Variants in PRKN observed in about 807,000 individuals in gnomAD.
PRKN encodes parkin RBR E3 ubiquitin protein ligase.
A neutral mutation model predicts 59.5 loss-of-function variants in PRKN; 56 were observed. That is an observed-to-expected ratio of 0.94 (90% CI 0.76 to 1.18). PRKN has a LOEUF of 1.18. Ranked by LOEUF, PRKN falls within the 50% of genes most tolerant of loss-of-function variation. PRKN has a pLI of 0.00. For synonymous variants in PRKN, 250 were observed against 222.1 expected, an observed-to-expected ratio of 1.13 and a Z score of -1.12; for missense variants, 657 against 596.4, an observed-to-expected ratio of 1.10 and a Z score of -1.06.
chr6:162,530,489 C>T (rs543416936), intron 1 of PRKN, among the ~76,000 whole-genome samples: 1 of 152,288 alleles, frequency 6.6e-6, no homozygotes, highest in African/African-American at 2.4e-5. Flanking sequence ...AAGTCCGAGA[C>T]CCACCATTAC....
At chr6:161,743,244 C>T (rs1425348284) in intron 7 of PRKN, among the ~76,000 whole-genome samples, 23 of 57,462 alleles carry the variant, frequency 4.0e-4, no homozygotes, top group African/African-American at 1.1e-3. Context: ...TTTTTTGAGA[C>T]GGAGTCTCTC....
chr6:161,486,006 A>C (rs1260128464), intron 9 of PRKN, among the ~76,000 whole-genome samples: 1 of 152,168 alleles, frequency 6.6e-6, no homozygotes, highest in East Asian at 1.9e-4. Context: ...CCTTAAGATT[A>C]TGTAGAAGAG....
intron 1 of PRKN, among the ~76,000 whole-genome samples, chr6:162,546,322 C>T (rs1282551480): frequency 6.6e-6 from 1 of 151,928 alleles, no homozygotes; most frequent in Non-Finnish European, 1.5e-5. Context: ...AGGCTGGTCT[C>T]GAACTCTTGA....
At chr6:161,706,960 T>C (rs1786525995) in intron 7 of PRKN, among the ~76,000 whole-genome samples, 1 of 152,212 alleles carries the variant, frequency 6.6e-6, no homozygotes, top group South Asian at 2.1e-4. Context: ...AAGAAAACTG[T>C]ATTTTTAGGA....
intron 4 of PRKN, among the ~76,000 whole-genome samples, chr6:162,121,587 T>C (rs1780917246): frequency 6.6e-6 from 1 of 152,230 alleles, no homozygotes; most frequent in Non-Finnish European, 1.5e-5. Context: ...CTTTGCCTTA[T>C]GACAAGGGCC....
intron 7 of PRKN, among the ~76,000 whole-genome samples, chr6:161,780,072 G>A (rs1790139844): frequency 6.6e-6 from 1 of 152,182 alleles, no homozygotes; most frequent in Non-Finnish European, 1.5e-5. Context: ...TCTTCAGCAT[G>A]TACCCTAAAG....
At chr6:162,347,059 A>G (rs1048974831) in intron 2 of PRKN, among the ~76,000 whole-genome samples, 3 of 151,368 alleles carry the variant, frequency 2.0e-5, no homozygotes, top group African/African-American at 7.3e-5. Context: ...TGAGATGTGT[A>G]TCTATTTTCT....
At chr6:162,606,045 T>C (rs1781899888) in intron 1 of PRKN, among the ~76,000 whole-genome samples, 1 of 152,194 alleles carries the variant, frequency 6.6e-6, no homozygotes, top group Admixed American at 6.6e-5. Context: ...AAACCTTTCA[T>C]CCAAGATTAG....
chr6:162,008,612 C>T (rs575837487), intron 5 of PRKN, among the ~76,000 whole-genome samples: 1 of 152,084 alleles, frequency 6.6e-6, no homozygotes. Context: ...GGGTATCACA[C>T]CTCAGTTATC....
chr6:161,874,064 T>A (rs867898234), intron 6 of PRKN, among the ~76,000 whole-genome samples: 80 of 14,660 alleles, frequency 5.5e-3, no homozygotes, highest in African/African-American at 0.02. Context: ...ATATAATATA[T>A]AATATATATT....
intron 3 of PRKN, among the ~76,000 whole-genome samples, chr6:162,247,885 TA>T (rs1779263505): frequency 6.6e-6 from 1 of 152,158 alleles, no homozygotes; most frequent in Non-Finnish European, 1.5e-5. Flanking sequence ...AATCGATAAT[TA>T]AAGGCACCTA....
Position 161,410,916 on chromosome 6 carries a change from A to C in PRKN, c.1084-24039T>G, listed in dbSNP as rs1787509653. ...GAAAGGGCCACTCGATGGTTTGATC[A>C]TGTTTACAAAATCTGGCTAAACAGG... On this transcript the variant is annotated intron_variant, in intron 9 of 11. Transcript: ENST00000366898. This position sits in a 1 kb window ranked among gnomAD's most constrained non-coding sequence, Gnocchi z 5.3. Among the ~76,000 whole-genome samples the C allele has an allele frequency of 6.6e-6, 1 of 152,170 alleles. No homozygotes were observed. The highest frequency in any genetic ancestry group is 2.4e-5 in the African/African-American group (1 of 41,432).
chr6:162,325,055 A>G (rs1030918100), intron 2 of PRKN, among the ~76,000 whole-genome samples: 1 of 152,150 alleles, frequency 6.6e-6, no homozygotes, highest in Non-Finnish European at 1.5e-5. Context: ...TTGGAAAAAA[A>G]AATCCATAAA....
chr6:161,445,610 A>G lies in PRKN; in HGVS notation c.1084-58733T>C, dbSNP rs1025871441. Among the ~76,000 whole-genome samples the G allele has an allele frequency of 5.9e-5, 9 of 152,220 alleles. No individual in the cohort carries two copies. Among genetic ancestry groups the G allele is most frequent in the Non-Finnish European group, 1.3e-4 (9 of 68,042 alleles). ...GCAGGAGAAAGAGGCCACCTGTATC[A>G]TCCACCCGTGCTGCAGCTGAATGGG... On this transcript the variant is annotated intron_variant, in intron 9 of 11. Coordinates refer to ENST00000366898, the MANE Select transcript of PRKN (RefSeq NM_004562.3). The surrounding 1 kb of genome is among the most constrained non-coding windows in gnomAD (Gnocchi z 7.7).
chr6:162,309,204 A>G lies in PRKN; in HGVS notation c.172-46439T>C, dbSNP rs1362634438. Among the ~76,000 whole-genome samples, 19 of 152,260 alleles carry G rather than the reference A, an allele frequency of 1.2e-4. No individual in the cohort carries two copies. The East Asian group carries it at 3.3e-3, about 26-fold the overall frequency. ...ACAACAGAGTCTCACTCTGTCACCC[A>G]GCCTGGAGTGCAGTGGCATGATCTC... On this transcript the variant is annotated intron_variant, in intron 2 of 11. Transcript: ENST00000366898.
rs1208300867 is a variant in PRKN, at chr6:162,165,529, T to C, written c.534+35602A>G. Among the ~76,000 whole-genome samples, 7 of 148,654 alleles carry C rather than the reference T, an allele frequency of 4.7e-5. 2 individuals are homozygous for C. Among genetic ancestry groups the C allele is most frequent in the African/African-American group, 1.8e-4 (7 of 39,428 alleles). ...AGAAGAGACATCACGAAAAGAAAAA[T>C]ATGAATCACTAACCAGCACGTAAGA... On this transcript the variant is annotated intron_variant, in intron 4 of 11. Coordinates refer to ENST00000366898, the MANE Select transcript of PRKN (RefSeq NM_004562.3).
At chr6:162,242,342 G>A (rs1435534934) in intron 3 of PRKN, among the ~76,000 whole-genome samples, 2 of 152,036 alleles carry the variant, frequency 1.3e-5, no homozygotes, top group African/African-American at 4.8e-5. Context: ...TTTTCCAATG[G>A]CAGAAAATGC....
intron 3 of PRKN, among the ~76,000 whole-genome samples, chr6:162,255,006 T>C (rs1482981952): frequency 6.6e-6 from 1 of 151,948 alleles, no homozygotes; most frequent in East Asian, 1.9e-4. Flanking sequence ...GCACCCACTA[T>C]TCTAATTTAG....
At chr6:162,377,873 C>T (rs1786205403) in intron 2 of PRKN, among the ~76,000 whole-genome samples, 1 of 152,112 alleles carries the variant, frequency 6.6e-6, no homozygotes, top group Non-Finnish European at 1.5e-5. Context: ...ATGCTTAAGG[C>T]AATGTGGAAT....
Sources: allele counts gnomAD v4.1 joint callset (sites outside exome capture counted in the v4.1 genomes callset), GRCh38; gene constraint gnomAD v4.1.1; non-coding constraint Gnocchi (gnomAD v3.1); transcripts MANE v1.5; gene names NCBI Gene and HGNC (gene_info 2026-07-23, HGNC 2026-07-21).